KCNK9: variants seen among roughly 807,000 people sequenced by gnomAD.
KCNK9 encodes potassium channel subfamily K member 9.
A neutral mutation model predicts 10.8 loss-of-function variants in KCNK9; 1 was observed. The observed-to-expected ratio is 0.09, with a 90% confidence interval of 0.03 to 0.44. KCNK9 has a LOEUF of 0.44. Among genes scored for constraint, KCNK9 ranks in the 20% least tolerant of loss-of-function variants. KCNK9 has a pLI of 0.97. For missense variants in KCNK9, 303 were observed against 515.0 expected (o/e 0.59, Z 3.98); for synonymous variants, 231 against 222.7 (o/e 1.04, Z -0.33).
At chr8:139,647,984 C>T (rs975861837) in intron 1 of KCNK9, among the ~76,000 whole-genome samples, 1 of 152,202 alleles carries the variant, frequency 6.6e-6, no homozygotes, top group African/African-American at 2.4e-5. Context: ...CACACTTGTC[C>T]ACCAATGTGC....
chr8:139,699,226 G>A (rs1817138509), intron 1 of KCNK9, among the ~76,000 whole-genome samples: 1 of 152,202 alleles, frequency 6.6e-6, no homozygotes, highest in African/African-American at 2.4e-5. Flanking sequence ...GAAGTGTCAT[G>A]GAGACTCTAA....
downstream of KCNK9, among the ~76,000 whole-genome samples, chr8:139,610,497 C>G (rs1433697390): frequency 2.0e-5 from 3 of 152,232 alleles, no homozygotes; most frequent in Non-Finnish European, 4.4e-5. Context: ...TTCATCAAGA[C>G]AAGACCCCAG....
intron 1 of KCNK9, among the ~76,000 whole-genome samples, chr8:139,647,116 G>C (rs1408025786): frequency 2.6e-5 from 4 of 152,260 alleles, no homozygotes; most frequent in South Asian, 4.1e-4. Context: ...GGCAGGAGCA[G>C]AGAGGCTCAG....
intron 1 of KCNK9, among the ~76,000 whole-genome samples, chr8:139,660,768 G>A (rs1438487943): frequency 1.3e-5 from 2 of 152,152 alleles, no homozygotes; most frequent in Non-Finnish European, 2.9e-5. Flanking sequence ...TCCTGGACAG[G>A]TTGTTTTGAG....
At chr8:139,668,171 G>A (rs1226286490) in intron 1 of KCNK9, among the ~76,000 whole-genome samples, 1 of 152,126 alleles carries the variant, frequency 6.6e-6, no homozygotes, top group African/African-American at 2.4e-5. Context: ...TGCATTTGCT[G>A]AGGAATGTTT....
intron 1 of KCNK9, among the ~76,000 whole-genome samples, chr8:139,689,089 G>C (rs907873644): frequency 5.3e-5 from 8 of 152,200 alleles, no homozygotes; most frequent in African/African-American, 1.9e-4. Flanking sequence ...AGGGATGGCT[G>C]TATGAAGACC....
At chr8:139,646,482 C>G (rs912338843) in intron 1 of KCNK9, among the ~76,000 whole-genome samples, 4 of 152,240 alleles carry the variant, frequency 2.6e-5, no homozygotes, top group African/African-American at 9.6e-5. Context: ...GGGGCAAGCC[C>G]CAGGGCTCTA....
intron 1 of KCNK9, among the ~76,000 whole-genome samples, chr8:139,626,794 C>G (rs76704861): frequency 6.6e-6 from 1 of 152,160 alleles, no homozygotes; most frequent in African/African-American, 2.4e-5. Context: ...AAGTTTGTGC[C>G]GGTAAGAATT....
intron 1 of KCNK9, among the ~76,000 whole-genome samples, chr8:139,670,588 G>A (rs1485750916): frequency 2.6e-5 from 4 of 152,078 alleles, no homozygotes; most frequent in Admixed American, 2.6e-4. Context: ...TTTTATATCA[G>A]GGACTTGAAC....
chr8:139,685,967 T>C (rs991377494), intron 1 of KCNK9, among the ~76,000 whole-genome samples: 2 of 152,224 alleles, frequency 1.3e-5, no homozygotes, highest in African/African-American at 4.8e-5. Flanking sequence ...TTTTTAATGA[T>C]CACCATTCTA....
At chr8:139,681,427 C>T (rs1816685396) in intron 1 of KCNK9, among the ~76,000 whole-genome samples, 1 of 152,226 alleles carries the variant, frequency 6.6e-6, no homozygotes, top group Non-Finnish European at 1.5e-5. Flanking sequence ...GCACCAGCAG[C>T]CAGTGCCCAG....
intron 1 of KCNK9, among the ~76,000 whole-genome samples, chr8:139,673,349 A>G (rs1816479504): frequency 6.6e-6 from 1 of 152,250 alleles, no homozygotes; most frequent in South Asian, 2.1e-4. Context: ...AGGGGATTGT[A>G]TGCTATGTGA....
chr8:139,646,844 G>A (rs916195310), intron 1 of KCNK9, among the ~76,000 whole-genome samples: 2 of 152,240 alleles, frequency 1.3e-5, no homozygotes, highest in South Asian at 4.1e-4. Context: ...GCACCAACCA[G>A]TACCTCTCAG....
chr8:139,604,659 C>A (rs1008985180), intron 2 of KCNK9, among the ~76,000 whole-genome samples: 2 of 152,170 alleles, frequency 1.3e-5, no homozygotes, highest in African/African-American at 4.8e-5. Context: ...GAAAGGAACA[C>A]GGAACACCCC....
intron 1 of KCNK9, among the ~76,000 whole-genome samples, chr8:139,667,724 C>G (rs889212185): frequency 6.6e-6 from 1 of 151,958 alleles, no homozygotes; most frequent in Non-Finnish European, 1.5e-5. Flanking sequence ...CACAACATTC[C>G]TTATAACGGC....
chr8:139,655,492 C>A (rs937058485), intron 1 of KCNK9, among the ~76,000 whole-genome samples: 1 of 152,140 alleles, frequency 6.6e-6, no homozygotes, highest in Non-Finnish European at 1.5e-5. Context: ...GAGGCTGTGA[C>A]CCCCATCAGG....
At chr8:139,671,397 C>T (rs1356296207) in intron 1 of KCNK9, among the ~76,000 whole-genome samples, 4 of 152,180 alleles carry the variant, frequency 2.6e-5, no homozygotes, top group South Asian at 2.1e-4. Context: ...AGGTGAGAGA[C>T]GCCTAAGCCA....
chr8:139,615,479 T>G (rs969458327), downstream of KCNK9, among the ~76,000 whole-genome samples: 1 of 152,028 alleles, frequency 6.6e-6, no homozygotes, highest in African/African-American at 2.4e-5. Flanking sequence ...TACCTAGATA[T>G]CTCCTTGGCC....
chr8:139,624,942 C>T (rs914911377), intron 1 of KCNK9, among the ~76,000 whole-genome samples: 1 of 152,240 alleles, frequency 6.6e-6, no homozygotes, highest in South Asian at 2.1e-4. Flanking sequence ...GCAGACTCTG[C>T]GCTGTGCACT....
Sources: gnomAD v4.1 joint callset for allele counts (sites outside exome capture counted in the v4.1 genomes callset) on GRCh38, gnomAD v4.1.1 for gene constraint, MANE v1.5 for transcripts, NCBI Gene and HGNC (gene_info 2026-07-23, HGNC 2026-07-21) for gene names.